CFAP161: variants seen among roughly 807,000 people sequenced by gnomAD.
CFAP161 encodes the protein cilia- and flagella-associated protein 161.
In CFAP161, 25 loss-of-function variants were observed where a neutral mutation model predicts 29.0. The observed-to-expected ratio is 0.86, with a 90% CI of 0.63 to 1.20. The LOEUF (loss-of-function observed/expected upper bound fraction) is 1.20. Ranked by LOEUF, CFAP161 falls within the 50% of genes most tolerant of loss-of-function variation. The pLI, the probability that CFAP161 is intolerant of heterozygous loss-of-function variation, is 0.00. For missense variants in CFAP161, 367 were observed against 371.9 expected (o/e 0.99, Z 0.11); for synonymous variants, 116 against 137.4 (o/e 0.84, Z 1.09).
intron 3 of CFAP161, among the ~76,000 whole-genome samples, chr15:81,137,051 AC>A (rs1184804059): frequency 1.3e-5 from 2 of 151,836 alleles, no homozygotes; most frequent in Non-Finnish European, 2.9e-5. Flanking sequence ...ACATTTTGGA[AC>A]TTTTTGAGCT....
intron 1 of CFAP161, among the ~76,000 whole-genome samples, chr15:81,126,148 C>A (rs12899632): frequency 1.3e-4 from 20 of 152,070 alleles, no homozygotes; most frequent in African/African-American, 3.6e-4. Flanking sequence ...GGATTACAGG[C>A]GCGAGCCACC....
At chr15:81,135,148 G>A (rs2141877982) in intron 1 of CFAP161, 122 bp from the exon 2 acceptor site, 1 of 561,872 alleles carries the variant, frequency 1.8e-6, no homozygotes, top group East Asian at 2.8e-5. Context: ...TTCCAATTAT[G>A]CTCACATCTC....
At chr15:81,137,262 T>C (rs537253579) in intron 3 of CFAP161, among the ~76,000 whole-genome samples, 2 of 152,304 alleles carry the variant, frequency 1.3e-5, no homozygotes, top group Admixed American at 6.5e-5. Context: ...TTAAAAACTA[T>C]TACTAATTCG....
chr15:81,105,654 T>C (rs1376317637), intron 1 of CFAP161, among the ~76,000 whole-genome samples: 1 of 152,188 alleles, frequency 6.6e-6, no homozygotes, highest in Non-Finnish European at 1.5e-5. Context: ...AACTGAGACC[T>C]GCCTATTGCA....
chr15:81,142,602 G>T (rs780224065), intron 4 of CFAP161, among the ~76,000 whole-genome samples: 2 of 152,110 alleles, frequency 1.3e-5, no homozygotes, highest in Non-Finnish European at 2.9e-5. Context: ...CTGCATGCAG[G>T]TGCTTCCCAT....
Position 81,138,197 on chromosome 15 carries a change from A to G in CFAP161, c.477+62A>G, listed in dbSNP as rs1029162349. On this transcript the variant is annotated intron_variant, in intron 4 of 6. Coordinates refer to ENST00000286732, the MANE Select transcript of CFAP161 (RefSeq NM_173528.4). Reference sequence around the variant, plus strand: ...CATTTCTGTTGCCCAAAATGGGATCATAACTATCTACTGAAGTGGACAGAG... The same window carrying G: ...CATTTCTGTTGCCCAAAATGGGATCGTAACTATCTACTGAAGTGGACAGAG... The G allele has an allele frequency of 3.8e-6, 5 of 1,319,232 alleles. No homozygotes were observed. The East Asian group carries it at 6.9e-5, about 18-fold the overall frequency. The allele number at this position is 1,319,232 out of a possible 1,614,324, so 81.7% of individuals were successfully genotyped here.
Position 81,134,285 on chromosome 15 carries a change from C to T in CFAP161, c.-45C>T, listed in dbSNP as rs1259770054. 3.2e-6 allele frequency: 5 copies of T among 1,558,256 alleles called. No individual in the cohort carries two copies. The highest frequency in any genetic ancestry group is 2.4e-5 in the East Asian group (1 of 42,508). ...TCGTCATGGCGACGCGCCACGCTAA[C>T]GCATGGTGTCGGAGGGAGGCCCACT... On this transcript the variant is annotated 5_prime_UTR_variant, in exon 1 of 7. It adds an upstream start codon to the 5' untranslated region. Transcript: ENST00000286732.
chr15:81,124,323 T>C (rs751453252), intron 1 of CFAP161, among the ~76,000 whole-genome samples: 9 of 152,222 alleles, frequency 5.9e-5, no homozygotes, highest in Middle Eastern at 3.2e-3. Context: ...CTTATTGATT[T>C]GCATATGTTG....
chr15:81,138,350 A>G (rs1894848232), intron 4 of CFAP161, among the ~76,000 whole-genome samples: 1 of 152,206 alleles, frequency 6.6e-6, no homozygotes. Flanking sequence ...CACCCTTAAA[A>G]CCTAAACAGT....
upstream of CFAP161, among the ~76,000 whole-genome samples, chr15:81,131,746 C>G (rs2141874890): frequency 6.6e-6 from 1 of 152,130 alleles, no homozygotes; most frequent in Middle Eastern, 3.4e-3. Context: ...AGACAGAAGA[C>G]AGACAAAGGA....
At chr15:81,109,608 G>A (rs758838515) in intron 1 of CFAP161, among the ~76,000 whole-genome samples, 14 of 152,296 alleles carry the variant, frequency 9.2e-5, no homozygotes, top group Admixed American at 2.6e-4. Flanking sequence ...GGAGGCTGAG[G>A]CAGGAGGATC....
chr15:81,143,917 A>T (rs2141884864), intron 5 of CFAP161, 97 bp downstream of exon 5: 1 of 1,324,890 alleles, frequency 7.5e-7, no homozygotes, highest in East Asian at 2.4e-5. Flanking sequence ...CAAATGCCTT[A>T]TGACTTTCTC....
chr15:81,134,527 T>C, intron 1 of CFAP161, 129 bp downstream of exon 1: 1 of 903,906 alleles, frequency 1.1e-6, no homozygotes, highest in Non-Finnish European at 1.7e-6. Flanking sequence ...ACCTCTAAAA[T>C]CCCCCACTTC....
intron 2 of CFAP161, among the ~76,000 whole-genome samples, chr15:81,128,716 G>A (rs1234209248): frequency 6.6e-6 from 1 of 152,032 alleles, no homozygotes; most frequent in Non-Finnish European, 1.5e-5. Flanking sequence ...GTTCTTAATG[G>A]CATCTAGAAT....
chr15:81,106,353 A>T (rs772486664), intron 1 of CFAP161, among the ~76,000 whole-genome samples: 1 of 152,224 alleles, frequency 6.6e-6, no homozygotes, highest in Admixed American at 6.5e-5. Flanking sequence ...TTCCGACATC[A>T]GACTGACGGG....
chr15:81,142,153 G>A (rs1894920753), intron 4 of CFAP161, among the ~76,000 whole-genome samples: 1 of 151,848 alleles, frequency 6.6e-6, no homozygotes, highest in Non-Finnish European at 1.5e-5. Flanking sequence ...CTGCACTTTG[G>A]CCTGTTTCTC....
intron 4 of CFAP161, among the ~76,000 whole-genome samples, chr15:81,140,017 C>CT (rs1894879767): frequency 6.6e-6 from 1 of 152,038 alleles, no homozygotes; most frequent in African/African-American, 2.4e-5. Context: ...AGTTTGTTCT[C>CT]TTTCCCTTAT....
At position 81,148,661 on chromosome 15, in the gene CFAP161, T is replaced by A; in HGVS notation, c.*128T>A. 1 of 773,880 alleles carries A rather than the reference T, an allele frequency of 1.3e-6. No homozygotes were observed. Among genetic ancestry groups the A allele is most frequent in the Non-Finnish European group, 1.9e-6 (1 of 531,162 alleles). The allele number at this position is 773,880 out of a possible 1,614,324, so 47.9% of individuals were successfully genotyped here. A position where few individuals can be genotyped will look rare whatever the true frequency, so the allele number is the denominator to read the frequency against. On this transcript the variant is annotated 3_prime_UTR_variant, in exon 7 of 7. Coordinates refer to ENST00000286732, the MANE Select transcript of CFAP161 (RefSeq NM_173528.4). ...ATGTGGGACTCTCTGGGCACTATAT[T>A]AAAATAAAGATTACATTAAGATTAT...
chr15:81,108,759 A>G (rs1894405078), intron 1 of CFAP161, among the ~76,000 whole-genome samples: 1 of 152,168 alleles, frequency 6.6e-6, no homozygotes, highest in African/African-American at 2.4e-5. Flanking sequence ...TATAAGCTTT[A>G]TTTCTCAACA....
Sources: allele counts gnomAD v4.1 joint callset (sites outside exome capture counted in the v4.1 genomes callset), GRCh38; gene constraint gnomAD v4.1.1; transcripts MANE v1.5; gene names NCBI Gene and HGNC (gene_info 2026-07-23, HGNC 2026-07-21).